Variants in ANK2 observed in about 807,000 individuals in gnomAD.
ANK2 encodes the protein ankyrin-2.
Under a neutral mutation model 360.5 loss-of-function variants are expected in ANK2, and 83 were observed. The observed-to-expected ratio is 0.23, with a 90% confidence interval of 0.19 to 0.28. The LOEUF (loss-of-function observed/expected upper bound fraction) is 0.28, where lower values mean the gene tolerates loss of function less well. ANK2 is among the 10% of genes least tolerant of loss of function. The pLI is 1.00. For synonymous variants in ANK2, 1,740 were observed against 1,759.5 expected (o/e 0.99, Z 0.28); for missense variants, 4,201 against 4,795.7 (o/e 0.88, Z 3.66).
chr4:112,868,484 G>A (rs1358850149), intron 1 of ANK2, among the ~76,000 whole-genome samples: 1 of 152,210 alleles, frequency 6.6e-6, no homozygotes, highest in African/African-American at 2.4e-5. Flanking sequence ...ATTCACTCCA[G>A]TGATAAAAAC....
At chr4:112,985,107 A>G (rs921015816) in intron 2 of ANK2, among the ~76,000 whole-genome samples, 3 of 152,230 alleles carry the variant, frequency 2.0e-5, no homozygotes, top group Non-Finnish European at 4.4e-5. Flanking sequence ...GTCCACCTGT[A>G]TCTGCTGCTA....
chr4:113,132,375 C>CT (rs1275869456), intron 1 of ANK2, among the ~76,000 whole-genome samples: 2 of 152,036 alleles, frequency 1.3e-5, no homozygotes, highest in African/African-American at 4.8e-5. Flanking sequence ...TGCAGTTTTA[C>CT]TATAGTACAT....
intron 31 of ANK2, 66 bp from the exon 32 acceptor site, chr4:113,339,160 G>A: frequency 1.5e-6 from 2 of 1,367,390 alleles, no homozygotes; most frequent in Non-Finnish European, 1.0e-6. Flanking sequence ...GAACCACAAA[G>A]ACTTTATTTT....
chr4:113,020,518 G>C (rs1396161517), intron 2 of ANK2, among the ~76,000 whole-genome samples: 1 of 152,010 alleles, frequency 6.6e-6, no homozygotes. Flanking sequence ...ACGATAATTT[G>C]TTTTTTCTGA....
At chr4:113,309,908 A>G (rs1232566220) in intron 23 of ANK2, among the ~76,000 whole-genome samples, 1 of 152,064 alleles carries the variant, frequency 6.6e-6, no homozygotes, top group East Asian at 1.9e-4. Context: ...ATGTCTTTCT[A>G]TTTTCTAATA....
rs202098889 is a variant in ANK2 at position 113,358,321 on chromosome 4, C to T, written c.9703C>T (p.Pro3235Ser). The change falls in exon 38 of 46, where the codon CCT becomes TCT. Residue 3235 changes from proline to serine, a missense_variant. Pro to Ser is a moderately conservative substitution (Grantham distance 74). Transcript: ENST00000357077. The part of the protein sequence containing the change: ...LPTVQTGDIP[P>S]LSGVKQISCP... ...CACCGTGCAAACGGGTGATATACCT[C>T]CTCTCTCTGGTGTAAAGCAGATATC... 9.3e-6 allele frequency: 15 copies of T among 1,613,434 alleles called. No homozygotes were observed. In the Admixed American group the frequency reaches 2.5e-4, roughly 27 times the overall value.
chr4:113,145,556 C>T lies in ANK2; in HGVS notation c.85-28860C>T, dbSNP rs944466426. 4 of 1,004,936 alleles carry T rather than the reference C, an allele frequency of 4.0e-6. No individual in the cohort carries two copies. In the South Asian group the frequency reaches 1.3e-4, roughly 32 times the overall value. The allele number at this position is 1,004,936 out of a possible 1,614,324, so 62.3% of individuals were successfully genotyped here. On this transcript the variant is annotated intron_variant, in intron 1 of 45. Coordinates refer to ENST00000357077, the MANE Select transcript of ANK2 (RefSeq NM_001148.6). ...AAACAACACCGCCCCCTCCCCTGCT[C>T]TCTGTCTGCCTCACCCCCCTCACTC... is the stretch of plus-strand genomic sequence containing the variant.
the ANK2 span, among the ~76,000 whole-genome samples, chr4:112,779,611 AATT>A: frequency 1.3e-5 from 2 of 152,192 alleles, no homozygotes; most frequent in Non-Finnish European, 2.9e-5. Flanking sequence ...CAATGATCTC[AATT>A]ATACAAATGT....
intron 2 of ANK2, among the ~76,000 whole-genome samples, chr4:113,191,011 A>C (rs1409759030): frequency 6.6e-6 from 1 of 152,182 alleles, no homozygotes; most frequent in Non-Finnish European, 1.5e-5. Flanking sequence ...AATTTAACCA[A>C]AGAAATGAGA....
At position 113,354,693 on chromosome 4, in the gene ANK2, T is replaced by C. The variant is rs113150051; in HGVS notation, c.6075T>C (p.Gly2025=). Residue 2025 remains glycine, a synonymous_variant, in exon 38 of 46, where the codon GGT becomes GGC. Transcript: ENST00000357077. The stretch of plus-strand genomic sequence containing the variant: ...AACAAAAGCAGCCACAAGAGAAAGG[T>C]AAAGTTCGGGTAGAAAAAGAAAAGG... ...SAKQKQPQEK[G]KVRVEKEKGP... is the part of the protein sequence containing the mutation. 13 of 1,613,244 alleles carry C rather than the reference T, an allele frequency of 8.1e-6. No homozygotes were observed. The African/African-American group carries it at 1.1e-4, about 13-fold the overall frequency.
At chr4:112,999,598 G>T (rs2049889984) in intron 2 of ANK2, among the ~76,000 whole-genome samples, 1 of 151,818 alleles carries the variant, frequency 6.6e-6, no homozygotes, top group South Asian at 2.1e-4. Flanking sequence ...AAAGCCAGTG[G>T]TGATTTGCAG....
intron 2 of ANK2, among the ~76,000 whole-genome samples, chr4:112,921,409 A>C (rs1002604831): frequency 1.4e-5 from 2 of 141,180 alleles, no homozygotes; most frequent in African/African-American, 2.6e-5. Context: ...TAACTGTTCC[A>C]TAATCTGACA....
chr4:113,083,361 T>C (rs572841158), intron 1 of ANK2, among the ~76,000 whole-genome samples: 6 of 152,222 alleles, frequency 3.9e-5, no homozygotes, highest in Admixed American at 3.3e-4. Context: ...TAAAATATTT[T>C]TGTAGAGATG....
chr4:113,216,961 AG>A (rs1325843110), intron 4 of ANK2: 3 of 152,126 alleles, frequency 2.0e-5, no homozygotes, highest in Non-Finnish European at 4.4e-5. Context: ...TGTGTCAGTA[AG>A]GGTACATCAC....
chr4:113,021,021 G>T (rs191311665), intron 2 of ANK2, among the ~76,000 whole-genome samples: 3 of 152,050 alleles, frequency 2.0e-5, no homozygotes, highest in Admixed American at 2.0e-4. Context: ...ATGAGGCAGG[G>T]GCTATAGCAT....
chr4:113,027,496 A>T (rs1384100156), intron 2 of ANK2, among the ~76,000 whole-genome samples: 1 of 152,042 alleles, frequency 6.6e-6, no homozygotes, highest in Non-Finnish European at 1.5e-5. Flanking sequence ...CAGCCCTTCT[A>T]CTGAGTTCAG....
At chr4:112,894,919 A>G (rs1244994628) in intron 1 of ANK2, among the ~76,000 whole-genome samples, 4 of 152,124 alleles carry the variant, frequency 2.6e-5, no homozygotes, top group Non-Finnish European at 4.4e-5. Flanking sequence ...TTTTTCCCCC[A>G]CAGTCTTTGA....
At chr4:113,028,606 T>C (rs1469485008) in intron 2 of ANK2, among the ~76,000 whole-genome samples, 1 of 152,176 alleles carries the variant, frequency 6.6e-6, no homozygotes, top group African/African-American at 2.4e-5. Flanking sequence ...TTTGGAGGTA[T>C]GAAGGAAGGC....
intron 4 of ANK2, among the ~76,000 whole-genome samples, chr4:113,203,632 A>G (rs2098890535): frequency 6.6e-6 from 1 of 152,214 alleles, no homozygotes; most frequent in Admixed American, 6.5e-5. Flanking sequence ...AACTCCTAAC[A>G]GTAGACATTA....
Sources: allele counts gnomAD v4.1 joint callset (sites outside exome capture counted in the v4.1 genomes callset), GRCh38; gene constraint gnomAD v4.1.1; transcripts MANE v1.5; gene names NCBI Gene and HGNC (gene_info 2026-07-23, HGNC 2026-07-21).